The following STK32C variants were observed in gnomAD, a reference collection of about 807,000 sequenced individuals.
STK32C encodes serine/threonine kinase 32C.
Under a neutral mutation model 56.5 loss-of-function variants are expected in STK32C, and 31 were observed. That is an observed-to-expected ratio of 0.55 (90% confidence interval 0.41 to 0.74). The LOEUF (loss-of-function observed/expected upper bound fraction) is 0.74, where lower values mean the gene tolerates loss of function less well. Ranked by LOEUF, STK32C falls within the 30% of genes least tolerant of loss-of-function variation. The pLI, the probability that STK32C is intolerant of heterozygous loss-of-function variation, is 0.00. For synonymous variants in STK32C, 309 were observed against 289.4 expected (o/e 1.07, Z -0.69); for missense variants, 544 against 676.9 (o/e 0.80, Z 2.18).
At chr10:132,210,015 C>T (rs1241965644) in intron 10 of STK32C, among the ~76,000 whole-genome samples, 1 of 152,186 alleles carries the variant, frequency 6.6e-6, no homozygotes, top group Non-Finnish European at 1.5e-5. Flanking sequence ...TGAGTGGGTA[C>T]ACACCAGAAC....
At chr10:132,239,048 G>A (rs995499024) in intron 2 of STK32C, among the ~76,000 whole-genome samples, 2 of 152,220 alleles carry the variant, frequency 1.3e-5, no homozygotes, top group Non-Finnish European at 2.9e-5. Context: ...GAGGTCCAAG[G>A]GAGGAAGATC....
intron 3 of STK32C, 40 bp downstream of exon 3, chr10:132,227,937 G>A (rs757284018): frequency 1.9e-6 from 3 of 1,605,790 alleles, no homozygotes; most frequent in East Asian, 2.2e-5. Flanking sequence ...CCGGCTTCAG[G>A]ACGGTAAGTC....
At chr10:132,295,911 T>C (rs1003212008) in intron 1 of STK32C, among the ~76,000 whole-genome samples, 1 of 150,972 alleles carries the variant, frequency 6.6e-6, no homozygotes, top group Non-Finnish European at 1.5e-5. Context: ...GAATGACGTA[T>C]ATAGATAAGC....
chr10:132,234,866 G>A (rs1043662226), intron 2 of STK32C, among the ~76,000 whole-genome samples: 1 of 152,262 alleles, frequency 6.6e-6, no homozygotes, highest in Non-Finnish European at 1.5e-5. Context: ...TGTGCAGTAT[G>A]CCCACCGGGG....
At position 132,255,747 on chromosome 10, in the gene STK32C, G is replaced by A. The variant is rs1034044501; in HGVS notation, c.263-9792C>T. On this transcript the variant is annotated intron_variant, in intron 1 of 11. Coordinates refer to ENST00000298630, the MANE Select transcript of STK32C (RefSeq NM_173575.4). The surrounding 1 kb of genome is among the most constrained non-coding windows in gnomAD (Gnocchi z 4.6). ...GAGAGGGGATGAGGGTGTGGGTGCC[G>A]GCCTCTGACCCTGGACTCCTCAGTC... is the stretch of plus-strand genomic sequence containing the variant. 2.0e-5 allele frequency among the ~76,000 whole-genome samples: 3 copies of A among 152,140 alleles called. No homozygotes were observed. Among genetic ancestry groups the A allele is most frequent in the Admixed American group, 6.5e-5 (1 of 15,272 alleles).
intron 1 of STK32C, among the ~76,000 whole-genome samples, chr10:132,268,319 G>T (rs948301450): frequency 1.3e-5 from 2 of 150,770 alleles, no homozygotes; most frequent in Non-Finnish European, 3.0e-5. Context: ...TTGTGTATGT[G>T]TGTCGGTGTG....
intron 1 of STK32C, chr10:132,249,079 T>C (rs1338830434): frequency 4.2e-6 from 2 of 478,114 alleles, no homozygotes; most frequent in Admixed American, 2.1e-5. Context: ...CGGCAGAGGC[T>C]CCCAGCTGGG....
intron 2 of STK32C, among the ~76,000 whole-genome samples, chr10:132,242,661 G>A (rs912218671): frequency 5.3e-5 from 8 of 151,694 alleles, no homozygotes; most frequent in Admixed American, 2.6e-4. Context: ...GCGGCCCCCC[G>A]CGCCCCCTTC....
intron 1 of STK32C, among the ~76,000 whole-genome samples, chr10:132,266,314 G>C (rs1468815241): frequency 6.6e-6 from 1 of 152,156 alleles, no homozygotes; most frequent in Non-Finnish European, 1.5e-5. Context: ...GTTTGTCTCT[G>C]GGGGTAGGAA....
intron 1 of STK32C, among the ~76,000 whole-genome samples, chr10:132,289,030 G>A (rs2065492835): frequency 6.6e-6 from 1 of 151,972 alleles, no homozygotes; most frequent in Non-Finnish European, 1.5e-5. Flanking sequence ...CTAAGTTGGT[G>A]GACATAAAAA....
chr10:132,233,371 A>C (rs1438489769), intron 2 of STK32C, among the ~76,000 whole-genome samples: 5 of 152,146 alleles, frequency 3.3e-5, no homozygotes, highest in African/African-American at 1.2e-4. Context: ...CGTCCCTGAG[A>C]AGCTGTGTCC....
In STK32C at chr10:132,307,935, C is replaced by T. The variant is rs1240618099; in HGVS notation, c.-102G>A. The T allele has an allele frequency of 5.6e-6, 6 of 1,066,644 alleles. No homozygotes were observed. The African/African-American group carries it at 7.0e-5, about 12-fold the overall frequency. 66.1% of individuals were successfully genotyped at this position (1,066,644 alleles called of 1,614,324 possible). The stretch of plus-strand genomic sequence containing the variant: ...GGGAGCGCTCGGGGCCGGCAGCGCC[C>T]GCCGTGCGCTCTTCTGGGCGGTGGA... On this transcript the variant is annotated 5_prime_UTR_variant, in exon 1 of 12. Transcript: ENST00000298630. The surrounding 1 kb of genome is among the most constrained non-coding windows in gnomAD (Gnocchi z 4.4).
intron 1 of STK32C, among the ~76,000 whole-genome samples, chr10:132,278,443 A>C (rs775542515): frequency 2.0e-5 from 3 of 148,328 alleles, no homozygotes; most frequent in Non-Finnish European, 3.0e-5. Flanking sequence ...TTCTGCATAG[A>C]TAACAATAAA....
chr10:132,281,730 G>C lies in STK32C; in HGVS notation c.262+25842C>G, dbSNP rs141617830. Among the ~76,000 whole-genome samples the C allele has an allele frequency of 8.6e-4, 131 of 152,334 alleles. 1 individual carries two copies. The East Asian group carries it at 0.012, about 14-fold the overall frequency. On this transcript the variant is annotated intron_variant, in intron 1 of 11. Coordinates refer to ENST00000298630, the MANE Select transcript of STK32C (RefSeq NM_173575.4). ...TGGTTTGTGCAGGTCCCCGGGAGAC[G>C]AAAAGACAGATTCCCTCCCGGCACC...
chr10:132,241,972 T>C (rs910830368), intron 2 of STK32C, among the ~76,000 whole-genome samples: 1 of 152,052 alleles, frequency 6.6e-6, no homozygotes, highest in Non-Finnish European at 1.5e-5. Flanking sequence ...TAGCTGAGCA[T>C]GGTGGCACAC....
chr10:132,304,072 A>G (rs1238511411), intron 1 of STK32C, among the ~76,000 whole-genome samples: 1 of 152,246 alleles, frequency 6.6e-6, no homozygotes, highest in Non-Finnish European at 1.5e-5. Flanking sequence ...TTGCCTGAGC[A>G]ATGTCGTTCC....
At chr10:132,209,004 A>AC in intron 11 of STK32C, 30 bp downstream of exon 11, 5 of 1,598,856 alleles carry the variant, frequency 3.1e-6, no homozygotes, top group Non-Finnish European at 4.3e-6. Context: ...CCTCTCTGCC[A>AC]CCACGCCCAC....
At chr10:132,268,713 G>A (rs912671960) in intron 1 of STK32C, among the ~76,000 whole-genome samples, 21 of 142,714 alleles carry the variant, frequency 1.5e-4, no homozygotes, top group African/African-American at 5.2e-4. Context: ...GTCTCACATC[G>A]TGTGTGTGTG....
exon 1 of STK32C, chr10:132,331,815 C>G (rs1235621024): frequency 6.3e-7 from 1 of 1,578,044 alleles, no homozygotes; most frequent in Admixed American, 1.7e-5. Context: ...CGTCGACCAC[C>G]ACCCCTTCAA....
Sources: allele counts gnomAD v4.1 joint callset (sites outside exome capture counted in the v4.1 genomes callset), GRCh38; gene constraint gnomAD v4.1.1; non-coding constraint Gnocchi (gnomAD v3.1); transcripts MANE v1.5; gene names NCBI Gene and HGNC (gene_info 2026-07-23, HGNC 2026-07-21).